UBE2G2: variants seen among roughly 807,000 people sequenced by gnomAD.
UBE2G2 encodes the protein ubiquitin-conjugating enzyme E2 G2.
A neutral mutation model predicts 23.0 loss-of-function variants in UBE2G2; 10 were observed. The observed-to-expected ratio is 0.43, with a 90% CI of 0.27 to 0.74. The LOEUF (loss-of-function observed/expected upper bound fraction) is 0.74, where lower values mean the gene tolerates loss of function less well. UBE2G2 is among the 30% of genes least tolerant of loss of function. The pLI, the probability that UBE2G2 is intolerant of heterozygous loss-of-function variation, is 0.19. For synonymous variants in UBE2G2, 86 were observed against 81.3 expected (o/e 1.06, Z -0.31); for missense variants, 150 against 218.3 (o/e 0.69, Z 1.97).
chr21:44,798,102 G>C (rs2083108060), intron 1 of UBE2G2, among the ~76,000 whole-genome samples: 3 of 152,208 alleles, frequency 2.0e-5, no homozygotes, highest in Admixed American at 2.0e-4. Flanking sequence ...CTTGCAATGA[G>C]CTGTGGTTGT....
chr21:44,799,078 C>T (rs781877212), intron 1 of UBE2G2, among the ~76,000 whole-genome samples: 4 of 152,228 alleles, frequency 2.6e-5, no homozygotes, highest in Non-Finnish European at 4.4e-5. Flanking sequence ...TGAAGATAAT[C>T]TTTTTTTCTG....
At chr21:44,787,406 C>T (rs1244965590) in intron 3 of UBE2G2, among the ~76,000 whole-genome samples, 1 of 152,106 alleles carries the variant, frequency 6.6e-6, no homozygotes, top group Admixed American at 6.5e-5. Flanking sequence ...CAAGTCCAGA[C>T]AAGGCAACAG....
intron 3 of UBE2G2, among the ~76,000 whole-genome samples, chr21:44,778,843 G>T (rs1188763729): frequency 6.6e-6 from 1 of 152,202 alleles, no homozygotes; most frequent in African/African-American, 2.4e-5. Context: ...AAAGGCTAAG[G>T]CAGAAAGAAC....
intron 3 of UBE2G2, among the ~76,000 whole-genome samples, chr21:44,783,846 T>C (rs962439527): frequency 6.6e-6 from 1 of 152,188 alleles, no homozygotes; most frequent in African/African-American, 2.4e-5. Context: ...ACTTACAGTA[T>C]GTAAATTATC....
intron 3 of UBE2G2, among the ~76,000 whole-genome samples, chr21:44,781,037 G>A (rs568886790): frequency 2.0e-5 from 3 of 152,346 alleles, no homozygotes; most frequent in East Asian, 1.9e-4. Context: ...TGGGAAAGCC[G>A]ACTGCTTTTG....
In UBE2G2 at chr21:44,801,693, TCCCCA is replaced by T; in HGVS notation, c.43+8_43+12del. The T allele has an allele frequency of 6.6e-7, 1 of 1,512,372 alleles. No homozygotes were observed. Among genetic ancestry groups the T allele is most frequent in the Non-Finnish European group, 8.8e-7 (1 of 1,132,332 alleles). The allele number at this position is 1,512,372 out of a possible 1,614,324, so 93.7% of individuals were successfully genotyped here. ...CGCGGGACGCTGCTGACGGCCCGGG[TCCCCA>T]GACTCACGTTTGTACTCGGCCATCA... On this transcript the variant is annotated splice_region_variant and intron_variant, in intron 1 of 5. Coordinates refer to ENST00000345496, the MANE Select transcript of UBE2G2 (RefSeq NM_003343.6).
chr21:44,789,458 T>C (rs1256102134), intron 1 of UBE2G2, among the ~76,000 whole-genome samples: 2 of 149,462 alleles, frequency 1.3e-5, no homozygotes, highest in African/African-American at 4.9e-5. Context: ...TACAGAGCTA[T>C]GGAAATTAAG....
intron 3 of UBE2G2, chr21:44,779,260 T>G: frequency 2.4e-6 from 1 of 422,102 alleles, no homozygotes; most frequent in South Asian, 1.7e-5. Context: ...GATTGCTTCA[T>G]GGAGACAAGA....
rs113250096 is a variant in UBE2G2, at chr21:44,773,569, C to T, written c.363G>A (p.Leu121=). 7.5e-4 allele frequency: 1,208 copies of T among 1,610,254 alleles called. 8 individuals carry two copies. The African/African-American group carries it at 0.012, about 16-fold the overall frequency. ...TACCTGCCAGCATGCTCACCACCGA[C>T]AGCAGGATCTTCTCCACACTCTGCA... ...SPVQSVEKIL[L]SVVSMLAEPN... The change falls in exon 5 of 6, where the codon CTG becomes CTA. Residue 121 remains leucine, a synonymous_variant. Coordinates refer to ENST00000345496, the MANE Select transcript of UBE2G2 (RefSeq NM_003343.6).
At chr21:44,783,466 G>A (rs1022590971) in intron 3 of UBE2G2, among the ~76,000 whole-genome samples, 3 of 152,248 alleles carry the variant, frequency 2.0e-5, no homozygotes, top group African/African-American at 7.2e-5. Flanking sequence ...GACAAGACAA[G>A]TGTTTACAGC....
chr21:44,799,675 C>T (rs1555964425), intron 1 of UBE2G2, among the ~76,000 whole-genome samples: 1 of 152,204 alleles, frequency 6.6e-6, no homozygotes, highest in African/African-American at 2.4e-5. Flanking sequence ...AAAACTTTCT[C>T]CATATCAGCA....
intron 4 of UBE2G2, chr21:44,774,769 AG>A: frequency 2.2e-6 from 1 of 455,546 alleles, no homozygotes; most frequent in Non-Finnish European, 4.4e-6. Flanking sequence ...AAAATCAGGA[AG>A]TTTCCCACTT....
At position 44,773,515 on chromosome 21, in the gene UBE2G2, C is replaced by A. The variant is rs148870353; in HGVS notation, c.385+32G>T. ...AGAACACCTGCAGCCTGGGTGTCCA[C>A]GGCAGCTCCTGCCAGGAGGCTCGGG... On this transcript the variant is annotated intron_variant, in intron 5 of 5. Transcript: ENST00000345496. 4.4e-6 allele frequency: 7 copies of A among 1,598,068 alleles called. 1 individual carries two copies. In the South Asian group the frequency reaches 4.4e-5, roughly 10 times the overall value.
At chr21:44,791,485 G>C (rs1015663243) in intron 1 of UBE2G2, among the ~76,000 whole-genome samples, 1 of 152,210 alleles carries the variant, frequency 6.6e-6, no homozygotes, top group African/African-American at 2.4e-5. Context: ...TCAGGCTGTT[G>C]CTTCAGAGAG....
At chr21:44,797,617 A>C (rs2083102383) in intron 1 of UBE2G2, among the ~76,000 whole-genome samples, 1 of 145,726 alleles carries the variant, frequency 6.9e-6, no homozygotes, top group Non-Finnish European at 1.5e-5. Flanking sequence ...CGGGAGGCTG[A>C]GGCAGGAGAA....
Position 44,773,622 on chromosome 21 carries a change from C to G in UBE2G2, c.310G>C (p.Glu104Gln). The G allele has an allele frequency of 6.2e-7, 1 of 1,612,634 alleles. No homozygotes were observed. Among genetic ancestry groups the G allele is most frequent in the Non-Finnish European group, 8.5e-7 (1 of 1,180,026 alleles). Reference sequence around the variant, plus strand: ...GGACTCCACCGCTCCGCGCTGCTCTCGTAGCCCATGGGGTCATCGCCTGGC... The same window carrying G: ...GGACTCCACCGCTCCGCGCTGCTCTGGTAGCCCATGGGGTCATCGCCTGGC... Reference protein sequence around the residue: ...HAPGDDPMGYESSAERWSPVQ... With the variant: ...HAPGDDPMGYQSSAERWSPVQ... Residue 104 changes from glutamate (E) to glutamine (Q), a missense_variant, in exon 5 of 6, where the codon GAG becomes CAG. Coordinates refer to ENST00000345496, the MANE Select transcript of UBE2G2 (RefSeq NM_003343.6).
At chr21:44,778,964 T>G (rs1047049821) in intron 3 of UBE2G2, among the ~76,000 whole-genome samples, 2 of 152,232 alleles carry the variant, frequency 1.3e-5, no homozygotes, top group African/African-American at 4.8e-5. Flanking sequence ...TAAAAAAATA[T>G]ACGTTTTAAA....
chr21:44,795,600 C>A (rs1555963609), intron 1 of UBE2G2, among the ~76,000 whole-genome samples: 1 of 151,496 alleles, frequency 6.6e-6, no homozygotes, highest in East Asian at 1.9e-4. Flanking sequence ...CCACTGCACT[C>A]TAGCCCGAGT....
At chr21:44,784,152 T>G (rs896731576) in intron 3 of UBE2G2, among the ~76,000 whole-genome samples, 1 of 141,806 alleles carries the variant, frequency 7.1e-6, no homozygotes, top group African/African-American at 2.7e-5. Context: ...CTAGACCATG[T>G]CTCCATAAGA....
Sources: gnomAD v4.1 joint callset for allele counts (sites outside exome capture counted in the v4.1 genomes callset) on GRCh38, gnomAD v4.1.1 for gene constraint, MANE v1.5 for transcripts, NCBI Gene and HGNC (gene_info 2026-07-23, HGNC 2026-07-21) for gene names.